The following MRPS5 variants were observed in gnomAD, a reference collection of about 807,000 sequenced individuals.
MRPS5 encodes the protein mitochondrial ribosomal protein S5.
A neutral mutation model predicts 51.9 loss-of-function variants in MRPS5; 27 were observed. That is an observed-to-expected ratio of 0.52 (90% CI 0.38 to 0.72). The LOEUF (loss-of-function observed/expected upper bound fraction) is 0.72, where lower values mean the gene tolerates loss of function less well. Ranked by LOEUF, MRPS5 falls within the 30% of genes least tolerant of loss-of-function variation. MRPS5 has a pLI of 0.00. For missense variants in MRPS5, 570 were observed against 545.7 expected (o/e 1.04, Z -0.44); for synonymous variants, 196 against 193.2 (o/e 1.01, Z -0.12).
rs576928870 is a variant in MRPS5, at chr2:95,104,424, C to G, written c.763+216G>C. 19 of 580,308 alleles carry G rather than the reference C, an allele frequency of 3.3e-5. No homozygotes were observed. In the East Asian group the frequency reaches 5.4e-4, roughly 16 times the overall value. 35.9% of individuals were successfully genotyped at this position (580,308 alleles called of 1,614,324 possible). On this transcript the variant is annotated intron_variant, in intron 7 of 11. Coordinates refer to ENST00000272418, the MANE Select transcript of MRPS5 (RefSeq NM_031902.5). ...AGCCTTTTATAATATTCCTTTTCCTCAGAGGAAAAGGCAAGTACAGTAGAA... is the reference window on the plus strand; with the variant it reads ...AGCCTTTTATAATATTCCTTTTCCTGAGAGGAAAAGGCAAGTACAGTAGAA...
intron 10 of MRPS5, among the ~76,000 whole-genome samples, chr2:95,097,001 CA>C (rs1675646631): frequency 6.6e-6 from 1 of 152,194 alleles, no homozygotes; most frequent in Non-Finnish European, 1.5e-5. Context: ...TCTCAGGATA[CA>C]AAATCAATGT....
At chr2:95,101,931 A>G (rs1675815964) in intron 7 of MRPS5, 3 of 514,336 alleles carry the variant, frequency 5.8e-6, no homozygotes, top group Non-Finnish European at 1.0e-5. Flanking sequence ...AGGTGGGAGG[A>G]TCGCTTGAGC....
rs2104406797 is a variant in MRPS5 at position 95,100,497 on chromosome 2, A to G, written c.908T>C (p.Ile303Thr). The stretch of plus-strand genomic sequence containing the variant: ...ACCTTTGGGTTGTTTCTTCATCTTG[A>G]TATGCGTCCTTTTAAATCTTAATGA... Reference protein sequence around the residue: ...DISLRFKRTHIKMKKQPKGYG... With the variant: ...DISLRFKRTHTKMKKQPKGYG... The change falls in exon 10 of 12, where the codon ATC becomes ACC. Residue 303 changes from isoleucine (I) to threonine (T), a missense_variant. Ile to Thr is a moderately conservative substitution (Grantham distance 89). Transcript: ENST00000272418. 2 of 1,608,144 alleles carry G rather than the reference A, an allele frequency of 1.2e-6. No homozygotes were observed. Among genetic ancestry groups the G allele is most frequent in the East Asian group, 4.5e-5 (2 of 44,804 alleles).
intron 3 of MRPS5, among the ~76,000 whole-genome samples, chr2:95,111,431 CTCAT>C (rs1307404653): frequency 1.3e-5 from 2 of 152,058 alleles, no homozygotes; most frequent in Non-Finnish European, 2.9e-5. Context: ...CCTTAAATCA[CTCAT>C]TAAGATGAAA....
chr2:95,105,012 T>C (rs1435754392), intron 6 of MRPS5, among the ~76,000 whole-genome samples: 1 of 152,210 alleles, frequency 6.6e-6, no homozygotes, highest in African/African-American at 2.4e-5. Context: ...CATCTCGATA[T>C]ACCCTATCTT....
chr2:95,101,470 G>C (rs904555528), intron 8 of MRPS5, among the ~76,000 whole-genome samples: 3 of 151,860 alleles, frequency 2.0e-5, no homozygotes, highest in Non-Finnish European at 4.4e-5. Flanking sequence ...TCATAACTTG[G>C]CTAGACAATT....
chr2:95,101,753 G>A, intron 7 of MRPS5, 30 bp from the exon 8 acceptor site: 1 of 1,560,838 alleles, frequency 6.4e-7, no homozygotes, highest in Non-Finnish European at 8.7e-7. Context: ...AATAAGAAAA[G>A]AGACAGAAAT....
chr2:95,108,976 G>A (rs983067317), intron 4 of MRPS5, among the ~76,000 whole-genome samples: 3 of 151,346 alleles, frequency 2.0e-5, no homozygotes, highest in East Asian at 3.9e-4. Context: ...AGGTATTTAT[G>A]TATAAATACC....
intron 1 of MRPS5, among the ~76,000 whole-genome samples, chr2:95,120,264 C>T (rs1285826425): frequency 6.6e-6 from 1 of 152,152 alleles, no homozygotes; most frequent in Admixed American, 6.5e-5. Flanking sequence ...ATCATTCAGC[C>T]ATAAAGGATG....
intron 10 of MRPS5, chr2:95,093,481 C>A (rs1675530292): frequency 6.6e-6 from 1 of 152,208 alleles, no homozygotes; most frequent in African/African-American, 2.4e-5. Context: ...CTCATACAGC[C>A]AGGTGTCCCT....
intron 1 of MRPS5, among the ~76,000 whole-genome samples, chr2:95,118,406 T>A (rs926439702): frequency 1.3e-5 from 2 of 152,256 alleles, no homozygotes; most frequent in Admixed American, 1.3e-4. Context: ...CAGCATGGCC[T>A]ACAGGCCTGC....
chr2:95,110,855 A>G (rs1337164113), intron 3 of MRPS5, among the ~76,000 whole-genome samples: 4 of 152,222 alleles, frequency 2.6e-5, no homozygotes, highest in South Asian at 2.1e-4. Flanking sequence ...ACAAAATGTT[A>G]TAACAGTAAA....
intron 6 of MRPS5, among the ~76,000 whole-genome samples, 183 bp from the exon 7 acceptor site, chr2:95,104,913 G>A (rs1675906224): frequency 6.6e-6 from 1 of 152,108 alleles, no homozygotes; most frequent in Non-Finnish European, 1.5e-5. Context: ...CTCCTGGACT[G>A]TTTCAGGGAG....
rs749989958 is a variant in MRPS5 at position 95,104,575 on chromosome 2, C to A, written c.763+65G>T. On this transcript the variant is annotated intron_variant, in intron 7 of 11. Transcript: ENST00000272418. ...CAGCATGAGCCCATGGGCTCCACAG[C>A]ATGGCCCGTGCCACGCCTTTCCCTG... is the stretch of plus-strand genomic sequence containing the variant. 3 of 1,542,360 alleles carry A rather than the reference C, an allele frequency of 1.9e-6. No homozygotes were observed. In the South Asian group the frequency reaches 3.3e-5, roughly 17 times the overall value.
chr2:95,119,873 G>A (rs1482209213), intron 1 of MRPS5, among the ~76,000 whole-genome samples: 1 of 152,128 alleles, frequency 6.6e-6, no homozygotes, highest in South Asian at 2.1e-4. Context: ...GACCAGCCTC[G>A]GCAACATAGT....
chr2:95,116,696 T>C (rs1384716448), intron 2 of MRPS5, among the ~76,000 whole-genome samples: 2 of 152,232 alleles, frequency 1.3e-5, no homozygotes, highest in African/African-American at 4.8e-5. Context: ...GAATCCAAAA[T>C]GGGCCAAGCC....
At chr2:95,114,194 T>C (rs1676214704) in intron 3 of MRPS5, among the ~76,000 whole-genome samples, 1 of 151,954 alleles carries the variant, frequency 6.6e-6, no homozygotes, top group South Asian at 2.1e-4. Flanking sequence ...TTATCTCTTT[T>C]TTATTTTTCT....
chr2:95,117,604 G>A (rs1573353920), intron 2 of MRPS5, among the ~76,000 whole-genome samples: 1 of 150,064 alleles, frequency 6.7e-6, no homozygotes, highest in Non-Finnish European at 1.5e-5. Context: ...AAACTACCCC[G>A]TAATTGTTAT....
intron 10 of MRPS5, chr2:95,090,778 G>A (rs1269880757): frequency 2.4e-6 from 1 of 420,426 alleles, no homozygotes; most frequent in African/African-American, 2.0e-5. Context: ...AAAAAAACAG[G>A]ATTGTTATTG....
Sources: allele counts gnomAD v4.1 joint callset (sites outside exome capture counted in the v4.1 genomes callset), GRCh38; gene constraint gnomAD v4.1.1; transcripts MANE v1.5; gene names NCBI Gene and HGNC (gene_info 2026-07-23, HGNC 2026-07-21).